Variants in ZFP64 observed in about 807,000 individuals in gnomAD.
ZFP64 encodes zinc finger protein 64.
ZFP64 carries 14 observed loss-of-function variants against 51.6 expected under a neutral mutation model. The ratio of observed to expected loss-of-function variants is 0.27; its 90% CI spans 0.18 to 0.42. The LOEUF (loss-of-function observed/expected upper bound fraction) is 0.42. Among genes scored for constraint, ZFP64 ranks in the 10% least tolerant of loss-of-function variants. ZFP64 has a pLI of 1.00. For synonymous variants in ZFP64, 375 were observed against 361.4 expected (o/e 1.04, Z -0.43); for missense variants, 754 against 906.8 (o/e 0.83, Z 2.16).
intron 5 of ZFP64, among the ~76,000 whole-genome samples, chr20:52,154,378 AG>A (rs1424520156): frequency 6.6e-6 from 1 of 152,202 alleles, no homozygotes; most frequent in Non-Finnish European, 1.5e-5. Context: ...AGACCCAGAC[AG>A]ACTACATAAC....
intron 5 of ZFP64, among the ~76,000 whole-genome samples, chr20:52,132,453 A>G (rs1979766779): frequency 6.6e-6 from 1 of 152,144 alleles, no homozygotes; most frequent in Non-Finnish European, 1.5e-5. Flanking sequence ...AACAAAATTT[A>G]CAAACCTTTA....
At chr20:52,182,160 G>A (rs1323639916) in intron 2 of ZFP64, among the ~76,000 whole-genome samples, 1 of 152,184 alleles carries the variant, frequency 6.6e-6, no homozygotes, top group East Asian at 1.9e-4. Flanking sequence ...TTTACAGATG[G>A]GGACTGTTTA....
chr20:52,121,512 A>G (rs1011950573), intron 5 of ZFP64, among the ~76,000 whole-genome samples: 1 of 152,204 alleles, frequency 6.6e-6, no homozygotes, highest in East Asian at 1.9e-4. Flanking sequence ...CCCTACCTCT[A>G]CTTAAGTCTA....
At chr20:52,161,852 C>A (rs1164708445) in intron 4 of ZFP64, among the ~76,000 whole-genome samples, 1 of 152,128 alleles carries the variant, frequency 6.6e-6, no homozygotes, top group African/African-American at 2.4e-5. Flanking sequence ...AAGGAGGTGG[C>A]TGTGAATCAG....
chr20:52,128,714 T>G (rs1018349610), intron 5 of ZFP64, among the ~76,000 whole-genome samples: 1 of 152,282 alleles, frequency 6.6e-6, no homozygotes, highest in South Asian at 2.1e-4. Context: ...CTAAAGCTTC[T>G]GAGCTTGGTC....
At chr20:52,165,812 C>A (rs1202697984) in intron 3 of ZFP64, 52 bp downstream of exon 3, 1 of 1,611,088 alleles carries the variant, frequency 6.2e-7, no homozygotes, top group Non-Finnish European at 8.5e-7. Context: ...AGCCCTGGAG[C>A]CTGGTTAAAT....
downstream of ZFP64, among the ~76,000 whole-genome samples, chr20:52,150,686 TCTA>T (rs1315596819): frequency 6.6e-6 from 1 of 152,208 alleles, no homozygotes; most frequent in Non-Finnish European, 1.5e-5. Context: ...TAGAAATGTA[TCTA>T]AGTATTCTCA....
At chr20:52,120,000 G>T (rs755636466) in intron 5 of ZFP64, among the ~76,000 whole-genome samples, 1 of 152,070 alleles carries the variant, frequency 6.6e-6, no homozygotes, top group African/African-American at 2.4e-5. Flanking sequence ...ACCCCCACAT[G>T]ATGGTATTAA....
At chr20:52,092,483 C>G (rs1314851548) in intron 7 of ZFP64, among the ~76,000 whole-genome samples, 3 of 152,154 alleles carry the variant, frequency 2.0e-5, no homozygotes, top group Non-Finnish European at 2.9e-5. Context: ...ACTTTATACC[C>G]CAATAAATTT....
chr20:52,103,746 G>A (rs2079078764), intron 5 of ZFP64, among the ~76,000 whole-genome samples: 1 of 152,226 alleles, frequency 6.6e-6, no homozygotes, highest in Non-Finnish European at 1.5e-5. Context: ...TCGACCCAGG[G>A]GACGGGATCC....
At chr20:52,094,553 G>A (rs1423294563) in intron 7 of ZFP64, among the ~76,000 whole-genome samples, 2 of 152,164 alleles carry the variant, frequency 1.3e-5, no homozygotes, top group Non-Finnish European at 2.9e-5. Flanking sequence ...TTGAGGCCAG[G>A]AGTTTGAGAC....
intron 2 of ZFP64, among the ~76,000 whole-genome samples, chr20:52,181,302 TG>T (rs773169514): frequency 1.3e-4 from 20 of 152,154 alleles, no homozygotes; most frequent in Non-Finnish European, 2.5e-4. Context: ...GCCATGGTCA[TG>T]GGGTTCCTGA....
intron 5 of ZFP64, among the ~76,000 whole-genome samples, chr20:52,156,114 C>T (rs969956287): frequency 2.0e-5 from 3 of 152,182 alleles, no homozygotes; most frequent in African/African-American, 4.8e-5. Context: ...AATTTTTCAG[C>T]TTCTCTAACT....
chr20:52,178,163 G>A (rs1983371214), intron 2 of ZFP64, among the ~76,000 whole-genome samples: 1 of 152,128 alleles, frequency 6.6e-6, no homozygotes, highest in South Asian at 2.1e-4. Context: ...ATTATCCCCA[G>A]GAAGGGTCTG....
chr20:52,175,068 A>T (rs1172449250), intron 2 of ZFP64, among the ~76,000 whole-genome samples: 32 of 151,924 alleles, frequency 2.1e-4, no homozygotes, highest in Non-Finnish European at 8.8e-5. Flanking sequence ...TGGAATTTTA[A>T]TTTTTTTCTT....
At chr20:52,116,535 C>G (rs1978883920) in intron 5 of ZFP64, among the ~76,000 whole-genome samples, 1 of 151,112 alleles carries the variant, frequency 6.6e-6, no homozygotes, top group African/African-American at 2.4e-5. Context: ...GATATACTTT[C>G]ATACAATAGA....
chr20:52,153,579 A>AG lies in ZFP64; in HGVS notation c.764-152dup. On this transcript the variant is annotated intron_variant, in intron 5 of 5. Transcript: ENST00000216923. The surrounding 1 kb of genome is among the most constrained non-coding windows in gnomAD (Gnocchi z 5.1). ...TAGCAGCCCCTGGCAGTGGGGGAAG[A>AG]GGGGCAGGGCGTCTTTATCTTTCCC... The AG allele has an allele frequency of 8.0e-7, 1 of 1,244,576 alleles. No homozygotes were observed. The highest frequency in any genetic ancestry group is 1.1e-6 in the Non-Finnish European group (1 of 931,380). 77.1% of individuals were successfully genotyped at this position (1,244,576 alleles called of 1,614,324 possible).
chr20:52,156,694 C>T (rs556968670), intron 5 of ZFP64, among the ~76,000 whole-genome samples: 87 of 152,250 alleles, frequency 5.7e-4, no homozygotes, highest in Non-Finnish European at 1.0e-3. Context: ...AAAAGGGTGA[C>T]GCTGTAACAG....
downstream of ZFP64, among the ~76,000 whole-genome samples, chr20:52,149,937 G>C (rs1980707318): frequency 6.6e-6 from 1 of 152,038 alleles, no homozygotes; most frequent in Non-Finnish European, 1.5e-5. Flanking sequence ...GGCCAGGTAC[G>C]GTGGCTCACA....
Sources: allele counts gnomAD v4.1 joint callset (sites outside exome capture counted in the v4.1 genomes callset), GRCh38; gene constraint gnomAD v4.1.1; non-coding constraint Gnocchi (gnomAD v3.1); transcripts MANE v1.5; gene names NCBI Gene and HGNC (gene_info 2026-07-23, HGNC 2026-07-21).